Variants in MOCS1 observed in about 807,000 individuals in gnomAD.
MOCS1 encodes molybdenum cofactor synthesis 1.
In MOCS1, 39 loss-of-function variants were observed where a neutral mutation model predicts 57.6. The observed-to-expected ratio is 0.68, with a 90% CI of 0.52 to 0.88. The LOEUF is 0.88. Ranked by LOEUF, MOCS1 falls within the 40% of genes least tolerant of loss-of-function variation. The pLI is 0.00. For missense variants in MOCS1, 795 were observed against 831.1 expected (o/e 0.96, Z 0.53); for synonymous variants, 334 against 335.7 (o/e 1.00, Z 0.05).
Position 39,909,873 on chromosome 6 carries a change from A to G in MOCS1, c.1064T>C (p.Ile355Thr), listed in dbSNP as rs143912353. The change falls in exon 9 of 11, where the codon ATT becomes ACT. Residue 355 changes from isoleucine to threonine, a missense_variant. Transcript: ENST00000340692. ...CTTCTTCCTGCCCACAGCAGCCCCA[A>G]TGATTCTCAGCAGCTCCTGCTCAGA... Reference protein sequence around the residue: ...GASEQELLRIIGAAVGRKKRQ... With the variant: ...GASEQELLRITGAAVGRKKRQ... 1.8e-3 allele frequency: 2,943 copies of G among 1,613,824 alleles called. 3 individuals carry two copies. The highest frequency in any genetic ancestry group is 2.2e-3 in the East Asian group (100 of 44,882).
At position 39,934,251 on chromosome 6, in the gene MOCS1, A is replaced by G. The variant is rs1263419490; in HGVS notation, c.123+44T>C. The G allele has an allele frequency of 3.3e-6, 5 of 1,500,196 alleles. No individual in the cohort carries two copies. The South Asian group carries it at 6.6e-5, about 20-fold the overall frequency. The allele number at this position is 1,500,196 out of a possible 1,614,324, so 92.9% of individuals were successfully genotyped here. On this transcript the variant is annotated intron_variant, in intron 1 of 10. Transcript: ENST00000340692. ...GGGAAAAGGGCAGTGTGCCGGGGCC[A>G]CTCCTGCCCCGGGAAGCTGTGGACG...
rs558412061 is a variant in MOCS1 at position 39,923,776 on chromosome 6, G to C, written c.418+1902C>G. ...TGGCCATGGGGCAGGAGGGAGAAGAGGGCTGTCAGGGGGACCTGGGCCCCT... is the reference window on the plus strand; with the variant it reads ...TGGCCATGGGGCAGGAGGGAGAAGACGGCTGTCAGGGGGACCTGGGCCCCT... On this transcript the variant is annotated intron_variant, in intron 3 of 10. Coordinates refer to ENST00000340692, the MANE Select transcript of MOCS1 (RefSeq NM_001358530.2). Among the ~76,000 whole-genome samples the C allele has an allele frequency of 1.4e-4, 22 of 152,350 alleles. No individual in the cohort carries two copies. The South Asian group carries it at 3.5e-3, about 24-fold the overall frequency.
At chr6:39,927,839 A>C in intron 1 of MOCS1, 1 of 1,067,676 alleles carries the variant, frequency 9.4e-7, no homozygotes, top group South Asian at 1.6e-5. Flanking sequence ...GAGACTGCTG[A>C]AGGCCACAAG....
intron 2 of MOCS1, among the ~76,000 whole-genome samples, 165 bp from the exon 3 acceptor site, chr6:39,926,010 T>A (rs1768272951): frequency 6.6e-6 from 1 of 152,138 alleles, no homozygotes; most frequent in African/African-American, 2.4e-5. Context: ...CAGGCCAGCA[T>A]CTCCCCAGGC....
At chr6:39,934,069 T>TA (rs991566988) in intron 1 of MOCS1, among the ~76,000 whole-genome samples, 22 of 152,028 alleles carry the variant, frequency 1.4e-4, no homozygotes, top group Admixed American at 1.3e-3. Flanking sequence ...GTGGCGTGGC[T>TA]GGGGGGCAGG....
At chr6:39,923,504 C>G (rs1472716515) in intron 3 of MOCS1, among the ~76,000 whole-genome samples, 1 of 152,282 alleles carries the variant, frequency 6.6e-6, no homozygotes, top group Non-Finnish European at 1.5e-5. Context: ...ATCCCCTCTG[C>G]TCTCTCACAG....
In MOCS1 at chr6:39,905,686, A is replaced by G; in HGVS notation, c.*671T>C. 1 of 471,186 alleles carries G rather than the reference A, an allele frequency of 2.1e-6. No homozygotes were observed. 29.2% of individuals were successfully genotyped at this position (471,186 alleles called of 1,614,324 possible). ...TGGTCTGGCAGGAGTCCTTAGGGCT[A>G]TGGCCCATGTGTGCACATCCTGTTT... On this transcript the variant is annotated 3_prime_UTR_variant, in exon 11 of 11. Transcript: ENST00000340692.
chr6:39,913,972 G>T, intron 4 of MOCS1, 137 bp from the exon 5 acceptor site: 1 of 879,168 alleles, frequency 1.1e-6, no homozygotes. Context: ...AATATCGTAG[G>T]CTTTGCAAGC....
At chr6:39,908,783 T>C (rs1767112492) in intron 10 of MOCS1, among the ~76,000 whole-genome samples, 1 of 152,116 alleles carries the variant, frequency 6.6e-6, no homozygotes, top group Admixed American at 6.5e-5. Flanking sequence ...AACTTAGTGA[T>C]CATTAAATCT....
intron 4 of MOCS1, 113 bp from the exon 5 acceptor site, chr6:39,913,948 A>T (rs1441626729): frequency 9.3e-7 from 1 of 1,077,680 alleles, no homozygotes; most frequent in Non-Finnish European, 1.4e-6. Flanking sequence ...ACGTTTTCTA[A>T]AACAGGCCAG....
intron 2 of MOCS1, 25 bp downstream of exon 2, chr6:39,927,304 G>T: frequency 6.2e-7 from 1 of 1,608,014 alleles, no homozygotes; most frequent in South Asian, 1.1e-5. Context: ...CACCAGCCCA[G>T]AGAGGGCCCA....
chr6:39,922,650 T>C (rs1582827856), intron 3 of MOCS1, among the ~76,000 whole-genome samples: 2 of 152,168 alleles, frequency 1.3e-5, no homozygotes, highest in Non-Finnish European at 2.9e-5. Flanking sequence ...GCAGAAGTGC[T>C]GGAGAGGCAA....
Position 39,913,427 on chromosome 6 carries a change from A to ACCTGG in MOCS1, c.646-4_646dup (p.Val216AlafsTer3). ...AAGGCCTCGCATCACCACACAGTTC[A>ACCTGG]CCTGGCCGGGGAACAATGGGACCAT... is the stretch of plus-strand genomic sequence containing the variant. On this transcript the variant is annotated frameshift_variant and splice_region_variant, in exon 6 of 11. Transcript: ENST00000340692. LOFTEE classifies it high-confidence loss of function. 6.2e-7 allele frequency: 1 copy of ACCTGG among 1,613,926 alleles called. No homozygotes were observed. Among genetic ancestry groups the ACCTGG allele is most frequent in the African/African-American group, 1.3e-5 (1 of 75,050 alleles).
chr6:39,923,926 T>C (rs1220104709), intron 3 of MOCS1, among the ~76,000 whole-genome samples: 2 of 152,154 alleles, frequency 1.3e-5, no homozygotes, highest in Non-Finnish European at 2.9e-5. Flanking sequence ...GTAGGAGGCA[T>C]GCAAGAGGGC....
chr6:39,933,312 T>C (rs1768735174), intron 1 of MOCS1, among the ~76,000 whole-genome samples: 1 of 152,186 alleles, frequency 6.6e-6, no homozygotes, highest in Admixed American at 6.5e-5. Flanking sequence ...TGCTTTCCTA[T>C]CTCTTCCTCA....
chr6:39,911,655 T>G (rs1331904994), intron 8 of MOCS1, among the ~76,000 whole-genome samples: 1 of 152,114 alleles, frequency 6.6e-6, no homozygotes, highest in East Asian at 1.9e-4. Flanking sequence ...ATGAACCCTA[T>G]GTATGCACCC....
Position 39,915,909 on chromosome 6 carries a change from C to T in MOCS1, c.583+159G>A, listed in dbSNP as rs568857484. On this transcript the variant is annotated intron_variant, in intron 4 of 10. Transcript: ENST00000340692. ...TCTGACCCCCAAAGTCCCTGACATA[C>T]ATTTGGCAAAGATGAGGGGTGAGAA... Among the ~76,000 whole-genome samples the T allele has an allele frequency of 9.9e-5, 15 of 152,258 alleles. 1 individual carries two copies. In the South Asian group the frequency reaches 2.9e-3, roughly 29 times the overall value.
Position 39,916,173 on chromosome 6 carries a change from G to A in MOCS1, c.478C>T (p.Leu160=). The change falls in exon 4 of 11, where the codon CTG becomes TTG. Residue 160 remains leucine (L), a synonymous_variant. Transcript: ENST00000340692. The stretch of plus-strand genomic sequence containing the variant: ...TGAAGCTGGGGCAGTAGCCGGGCCA[G>A]GTTGATGCCATTGGTGGTAACACCT... ...TIGVTTNGIN[L]ARLLPQLQKA... is the part of the protein sequence containing the mutation. The A allele has an allele frequency of 3.1e-6, 5 of 1,614,082 alleles. No individual in the cohort carries two copies. The highest frequency in any genetic ancestry group is 3.4e-6 in the Non-Finnish European group (4 of 1,180,024).
At position 39,927,599 on chromosome 6, in the gene MOCS1, G is replaced by C. The variant is rs764514902; in HGVS notation, c.124-144C>G. On this transcript the variant is annotated intron_variant, in intron 1 of 10. Coordinates refer to ENST00000340692, the MANE Select transcript of MOCS1 (RefSeq NM_001358530.2). ...CACATGTTTGGGCTCTGCAATGTTG[G>C]GGAAGCTGGGATTGTCCCTCTCGTT... 7 of 1,603,970 alleles carry C rather than the reference G, an allele frequency of 4.4e-6. No homozygotes were observed. The South Asian group carries it at 7.7e-5, about 18-fold the overall frequency.
Sources: allele counts gnomAD v4.1 joint callset (sites outside exome capture counted in the v4.1 genomes callset), GRCh38; gene constraint gnomAD v4.1.1; transcripts MANE v1.5; gene names NCBI Gene and HGNC (gene_info 2026-07-23, HGNC 2026-07-21).